The following SPATA9 variants were observed in gnomAD, a reference collection of about 807,000 sequenced individuals.
SPATA9 encodes spermatogenesis associated 9, also known as spermatogenesis-associated protein 9.
In SPATA9, 27 loss-of-function variants were observed where a neutral mutation model predicts 25.5. That is an observed-to-expected ratio of 1.06 (90% CI 0.78 to 1.46). The LOEUF is 1.46. Among genes scored for constraint, SPATA9 ranks in the 40% most tolerant of loss-of-function variants. The pLI is 0.00. For synonymous variants in SPATA9, 102 were observed against 105.7 expected, an observed-to-expected ratio of 0.97 and a Z score of 0.21; for missense variants, 282 against 297.5, an observed-to-expected ratio of 0.95 and a Z score of 0.38.
At chr5:95,728,789 A>T in the SPATA9 span, among the ~76,000 whole-genome samples, 1 of 152,214 alleles carries the variant, frequency 6.6e-6, no homozygotes, top group South Asian at 2.1e-4. Flanking sequence ...AGGTCAGCAC[A>T]GGATACAGGT....
chr5:95,672,722 T>C (rs912321273), intron 3 of SPATA9, among the ~76,000 whole-genome samples: 1 of 152,218 alleles, frequency 6.6e-6, no homozygotes, highest in African/African-American at 2.4e-5. Context: ...GTTATCACAC[T>C]TGATCTCTAA....
chr5:95,674,884 T>C (rs1045128062), intron 3 of SPATA9: 19 of 409,688 alleles, frequency 4.6e-5, no homozygotes, highest in Non-Finnish European at 9.1e-5. Flanking sequence ...ATGCTTTGTA[T>C]AATGCCCAAA....
chr5:95,725,124 T>C, the SPATA9 span, among the ~76,000 whole-genome samples: 1 of 152,196 alleles, frequency 6.6e-6, no homozygotes, highest in Non-Finnish European at 1.5e-5. Context: ...TTGTTTATAA[T>C]AGGCAAAAAC....
chr5:95,653,620 C>T (rs1038778005), downstream of SPATA9, among the ~76,000 whole-genome samples: 9 of 152,138 alleles, frequency 5.9e-5, no homozygotes, highest in Non-Finnish European at 8.8e-5. Context: ...TATTTATGGC[C>T]GGGCGCAGTG....
chr5:95,680,126 C>T (rs530772716), intron 2 of SPATA9, among the ~76,000 whole-genome samples: 21 of 152,302 alleles, frequency 1.4e-4, no homozygotes, highest in Admixed American at 6.5e-4. Flanking sequence ...TCTCCATCTC[C>T]TGACCTTGTG....
At chr5:95,678,949 A>T (rs1206323785) in intron 2 of SPATA9, among the ~76,000 whole-genome samples, 4 of 152,248 alleles carry the variant, frequency 2.6e-5, no homozygotes, top group Admixed American at 2.0e-4. Context: ...AAAATGAGAA[A>T]TAAAGTAACT....
the SPATA9 span, among the ~76,000 whole-genome samples, chr5:95,711,525 C>G: frequency 2.0e-5 from 3 of 152,170 alleles, no homozygotes; most frequent in Non-Finnish European, 2.9e-5. Context: ...TTGTGCCTCT[C>G]TCAGTGGTAG....
At chr5:95,653,037 C>G in exon 9 of SPATA9, 1 of 1,529,682 alleles carries the variant, frequency 6.5e-7, no homozygotes, top group Non-Finnish European at 8.8e-7. Context: ...ACCAATCTTG[C>G]ATATTATGTT....
At position 95,688,682 on chromosome 5, in the gene SPATA9, T is replaced by C. The variant is rs376132016; in HGVS notation, n.124+9906A>G. Among the ~76,000 whole-genome samples, 12 of 152,112 alleles carry C rather than the reference T, an allele frequency of 7.9e-5. No individual in the cohort carries two copies. The East Asian group carries it at 2.3e-3, about 29-fold the overall frequency. ...GCTAAATAATGCATAAACATGGACA[T>C]ATAGAGTGGAATAATAGACACTGGA... On this transcript the variant is annotated intron_variant and non_coding_transcript_variant, in intron 1 of 2. Transcript: ENST00000379990.
At chr5:95,702,615 C>A (rs983769153), upstream of SPATA9, among the ~76,000 whole-genome samples, 2 of 152,162 alleles carry the variant, frequency 1.3e-5, no homozygotes, top group African/African-American at 4.8e-5. Flanking sequence ...GTGGCTCACA[C>A]CTGTAATCCC....
At chr5:95,706,319 C>T in the SPATA9 span, among the ~76,000 whole-genome samples, 1 of 151,706 alleles carries the variant, frequency 6.6e-6, no homozygotes, top group Admixed American at 6.6e-5. Context: ...GGATTTCCCC[C>T]TTGCTGATCT....
At chr5:95,655,241 A>G (rs1750671902), downstream of SPATA9, 1 of 152,246 alleles carries the variant, frequency 6.6e-6, no homozygotes, top group Non-Finnish European at 1.5e-5. Context: ...AATTATGAAA[A>G]TGTGAATCTT....
chr5:95,704,695 C>T, the SPATA9 span, among the ~76,000 whole-genome samples: 1 of 151,904 alleles, frequency 6.6e-6, no homozygotes, highest in Non-Finnish European at 1.5e-5. Context: ...AACATAGTAC[C>T]TGAGACTGGG....
In SPATA9 at chr5:95,658,548, TAGACTCTGAGTTTTGTC is replaced by T; in HGVS notation, c.*58_*74del. The stretch of plus-strand genomic sequence containing the variant: ...GCAGAGCAATTCAGAATATGTAAAC[TAGACTCTGAGTTTTGTC>T]AGATGAAATGTGCCATTAAATAGAT... On this transcript the variant is annotated 3_prime_UTR_variant, in exon 5 of 5. Transcript: ENST00000274432. The T allele has an allele frequency of 6.7e-7, 1 of 1,493,022 alleles. No individual in the cohort carries two copies. Among genetic ancestry groups the T allele is most frequent in the East Asian group, 2.3e-5 (1 of 43,202 alleles). 92.5% of individuals were successfully genotyped at this position (1,493,022 alleles called of 1,614,324 possible).
At chr5:95,669,006 G>A (rs1413439863) in intron 3 of SPATA9, among the ~76,000 whole-genome samples, 1 of 152,198 alleles carries the variant, frequency 6.6e-6, no homozygotes, top group African/African-American at 2.4e-5. Context: ...TACTTATAGA[G>A]AGGTCCAGGA....
the SPATA9 span, among the ~76,000 whole-genome samples, chr5:95,706,290 G>A: frequency 1.3e-5 from 2 of 151,732 alleles, no homozygotes; most frequent in East Asian, 3.9e-4. Context: ...CCGGTGGGAG[G>A]TGATTGGATC....
At chr5:95,652,530 T>C (rs530151089), downstream of SPATA9, 3 of 628,640 alleles carry the variant, frequency 4.8e-6, no homozygotes, top group Admixed American at 7.2e-5. Context: ...TCTTGGCCTT[T>C]CTCCTCACAG....
Position 95,658,511 on chromosome 5 carries a change from T to C in SPATA9, c.*112A>G, listed in dbSNP as rs1750931606. The C allele has an allele frequency of 1.4e-6, 2 of 1,395,138 alleles. No homozygotes were observed. Among genetic ancestry groups the C allele is most frequent in the Non-Finnish European group, 1.9e-6 (2 of 1,061,902 alleles). The allele number at this position is 1,395,138 out of a possible 1,614,324, so 86.4% of individuals were successfully genotyped here. On this transcript the variant is annotated 3_prime_UTR_variant, in exon 5 of 5. Coordinates refer to ENST00000274432, the MANE Select transcript of SPATA9 (RefSeq NM_031952.4). ...ATTTTAATAGTAGCCCCCTTCTCTT[T>C]TTTTTAAGAAAGCAGAGCAATTCAG...
chr5:95,675,698 T>A, intron 2 of SPATA9, 59 bp from the exon 3 acceptor site: 1 of 1,424,770 alleles, frequency 7.0e-7, no homozygotes, highest in African/African-American at 1.4e-5. Context: ...TTATTAAAAC[T>A]ACTTCCGGCA....
Sources: allele counts gnomAD v4.1 joint callset (sites outside exome capture counted in the v4.1 genomes callset), GRCh38; gene constraint gnomAD v4.1.1; transcripts MANE v1.5; gene names NCBI Gene and HGNC (gene_info 2026-07-23, HGNC 2026-07-21).